The following THSD7B variants were observed in gnomAD, a reference collection of about 807,000 sequenced individuals.
The protein encoded by THSD7B is thrombospondin type-1 domain-containing protein 7B.
A neutral mutation model predicts 213.6 loss-of-function variants in THSD7B; 138 were observed. The observed-to-expected ratio is 0.65, with a 90% CI of 0.56 to 0.74. The LOEUF (loss-of-function observed/expected upper bound fraction) is 0.74. Among genes scored for constraint, THSD7B ranks in the 30% least tolerant of loss-of-function variants. The pLI, the probability that THSD7B is intolerant of heterozygous loss-of-function variation, is 0.00. For synonymous variants in THSD7B, 742 were observed against 687.0 expected (o/e 1.08, Z -1.25); for missense variants, 1,931 against 1,991.5 (o/e 0.97, Z 0.58).
chr2:136,942,243 A>G (rs1684840584), intron 2 of THSD7B, among the ~76,000 whole-genome samples: 1 of 152,142 alleles, frequency 6.6e-6, no homozygotes, highest in Non-Finnish European at 1.5e-5. Flanking sequence ...TGTTTTGGTC[A>G]CTGTAGCCTT....
intron 12 of THSD7B, among the ~76,000 whole-genome samples, chr2:137,332,039 C>T (rs556100886): frequency 6.6e-6 from 1 of 152,304 alleles, no homozygotes; most frequent in East Asian, 1.9e-4. Flanking sequence ...CTTGGCCAGC[C>T]CAGAAAGGGG....
At chr2:137,572,279 C>G (rs1681369447) in intron 16 of THSD7B, 127 bp from the exon 17 acceptor site, 1 of 1,157,320 alleles carries the variant, frequency 8.6e-7, no homozygotes, top group Admixed American at 2.5e-5. Context: ...GTTTTGTTCC[C>G]CTTGGTTTCT....
At chr2:137,570,301 T>A (rs887904666) in intron 16 of THSD7B, among the ~76,000 whole-genome samples, 2 of 151,008 alleles carry the variant, frequency 1.3e-5, no homozygotes, top group East Asian at 1.9e-4. Context: ...ACTATTATTA[T>A]TAATTATTAT....
chr2:136,953,751 GT>G (rs1276997897), intron 2 of THSD7B, among the ~76,000 whole-genome samples: 1 of 152,056 alleles, frequency 6.6e-6, no homozygotes, highest in Admixed American at 6.5e-5. Context: ...ACATCTATTG[GT>G]AAAACACAAA....
chr2:137,366,997 T>G (rs1685422043), intron 12 of THSD7B, among the ~76,000 whole-genome samples: 1 of 152,148 alleles, frequency 6.6e-6, no homozygotes, highest in African/African-American at 2.4e-5. Flanking sequence ...GTGATGATAT[T>G]ACATCTTCAA....
intron 2 of THSD7B, among the ~76,000 whole-genome samples, chr2:136,961,093 A>AAG (rs1472590660): frequency 6.8e-6 from 1 of 147,964 alleles, no homozygotes; most frequent in Non-Finnish European, 1.5e-5. Flanking sequence ...CGTCTCAAAA[A>AAG]AAAAAAAAAA....
chr2:137,639,629 G>C (rs557176996), intron 20 of THSD7B, among the ~76,000 whole-genome samples: 1 of 152,268 alleles, frequency 6.6e-6, no homozygotes, highest in Non-Finnish European at 1.5e-5. Flanking sequence ...CATGAAAGCA[G>C]GCAAGAGGGA....
intron 1 of THSD7B, among the ~76,000 whole-genome samples, chr2:136,833,106 C>T (rs542801524): frequency 1.3e-5 from 2 of 152,184 alleles, no homozygotes; most frequent in East Asian, 3.9e-4. Flanking sequence ...TGGCTCACGT[C>T]TGTAATGCCA....
intron 27 of THSD7B, among the ~76,000 whole-genome samples, chr2:137,670,124 T>G (rs1027552861): frequency 6.6e-6 from 1 of 152,186 alleles, no homozygotes; most frequent in Non-Finnish European, 1.5e-5. Context: ...TTATGCATAT[T>G]GTATCTCATA....
At position 137,429,559 on chromosome 2, in the gene THSD7B, G is replaced by A. The variant is rs116697913; in HGVS notation, c.2959+17687G>A. 6.9e-3 allele frequency among the ~76,000 whole-genome samples: 1,048 copies of A among 152,230 alleles called. 11 individuals carry two copies. The highest frequency in any genetic ancestry group is 0.024 in the African/African-American group (998 of 41,550). ...AGAATCACTTATGATAGGAATAGACGTGTAAATTAATTAAATGTAAAACAT... is the reference window on the plus strand; with the variant it reads ...AGAATCACTTATGATAGGAATAGACATGTAAATTAATTAAATGTAAAACAT... On this transcript the variant is annotated intron_variant, in intron 14 of 27. Coordinates refer to ENST00000409968, the MANE Select transcript of THSD7B (RefSeq NM_001316349.2).
intron 1 of THSD7B, among the ~76,000 whole-genome samples, chr2:136,798,439 G>A (rs1425770994): frequency 2.0e-5 from 3 of 151,950 alleles, no homozygotes; most frequent in Admixed American, 2.0e-4. Context: ...GATGGGTAGG[G>A]AAAGATCTCA....
At chr2:136,987,556 GA>G (rs1378480937) in intron 2 of THSD7B, among the ~76,000 whole-genome samples, 1 of 152,132 alleles carries the variant, frequency 6.6e-6, no homozygotes, top group Non-Finnish European at 1.5e-5. Flanking sequence ...ATGGAGTTAG[GA>G]AGGGAGAGAC....
At chr2:136,841,215 C>T (rs967933754) in intron 1 of THSD7B, among the ~76,000 whole-genome samples, 1 of 152,140 alleles carries the variant, frequency 6.6e-6, no homozygotes, top group East Asian at 1.9e-4. Context: ...ATCTGTCTGA[C>T]TCCGTAGTGT....
chr2:137,470,895 C>G (rs925438606), intron 15 of THSD7B, among the ~76,000 whole-genome samples: 3 of 140,034 alleles, frequency 2.1e-5, no homozygotes, highest in African/African-American at 7.9e-5. Context: ...CTTCCTATTT[C>G]TTTATTTTTC....
intron 15 of THSD7B, among the ~76,000 whole-genome samples, chr2:137,547,415 A>G (rs1258243770): frequency 1.3e-5 from 2 of 151,976 alleles, no homozygotes; most frequent in African/African-American, 2.4e-5. Context: ...ATACATTTAT[A>G]CTTTTCTACA....
chr2:137,669,113 C>A (rs1331276273), intron 27 of THSD7B, among the ~76,000 whole-genome samples: 1 of 152,064 alleles, frequency 6.6e-6, no homozygotes, highest in Non-Finnish European at 1.5e-5. Flanking sequence ...AGTGTTACTT[C>A]AATTTTTTCT....
intron 7 of THSD7B, 95 bp from the exon 8 acceptor site, chr2:137,230,949 A>C: frequency 8.3e-7 from 1 of 1,205,784 alleles, no homozygotes; most frequent in Non-Finnish European, 1.1e-6. Flanking sequence ...AGAAACTATC[A>C]TTTTTGGGGG....
intron 12 of THSD7B, among the ~76,000 whole-genome samples, chr2:137,362,413 G>T (rs1478337649): frequency 6.6e-6 from 1 of 152,146 alleles, no homozygotes; most frequent in South Asian, 2.1e-4. Flanking sequence ...TGGGCTAAAT[G>T]CCCCAGTTAA....
At chr2:137,461,111 A>G (rs1014752018) in intron 15 of THSD7B, among the ~76,000 whole-genome samples, 1 of 151,590 alleles carries the variant, frequency 6.6e-6, no homozygotes, top group Non-Finnish European at 1.5e-5. Flanking sequence ...TTTTCATTTT[A>G]TTGTTGATGG....
Sources: gnomAD v4.1 joint callset for allele counts (sites outside exome capture counted in the v4.1 genomes callset) on GRCh38, gnomAD v4.1.1 for gene constraint, MANE v1.5 for transcripts, NCBI Gene and HGNC (gene_info 2026-07-23, HGNC 2026-07-21) for gene names.